Variants in DDX31 observed in about 807,000 individuals in gnomAD.
DDX31 encodes the protein ATP-dependent DNA helicase DDX31.
A neutral mutation model predicts 91.3 loss-of-function variants in DDX31; 70 were observed. That is an observed-to-expected ratio of 0.77 (90% CI 0.63 to 0.94). DDX31 has a LOEUF of 0.94. Ranked by LOEUF, DDX31 falls within the 40% of genes least tolerant of loss-of-function variation. DDX31 has a pLI of 0.00. For synonymous variants in DDX31, 362 were observed against 350.6 expected (o/e 1.03, Z -0.36); for missense variants, 902 against 925.0 (o/e 0.98, Z 0.32).
chr9:132,665,597 ACTACTAAAAATCTAAAAT>A (rs577061019), intron 1 of DDX31, among the ~76,000 whole-genome samples: 305 of 152,286 alleles, frequency 2.0e-3, no homozygotes, highest in African/African-American at 6.7e-3. Flanking sequence ...ACTAAAAATT[ACTACTAAAAATCTAAAAT>A]CTACTAAAAA....
rs555300869 is a variant in DDX31, at chr9:132,637,886, T to A, written c.1440+4118A>T. On this transcript the variant is annotated intron_variant, in intron 14 of 19. Coordinates refer to ENST00000372159, the MANE Select transcript of DDX31 (RefSeq NM_022779.9). ...AAAAGCACGAAAGTCTACATTTATT[T>A]GGGACACAGAACTGACATTGTGACT... is the stretch of plus-strand genomic sequence containing the variant. 1.5e-5 allele frequency: 15 copies of A among 989,124 alleles called. No homozygotes were observed. The African/African-American group carries it at 2.1e-4, about 14-fold the overall frequency. The allele number at this position is 989,124 out of a possible 1,614,324, so 61.3% of individuals were successfully genotyped here. A position where few individuals can be genotyped will look rare whatever the true frequency, so the allele number is the denominator to read the frequency against.
intron 1 of DDX31, 68 bp downstream of exon 1, chr9:132,669,792 T>A: frequency 6.6e-7 from 1 of 1,521,094 alleles, no homozygotes; most frequent in South Asian, 1.2e-5. Context: ...AAGGCACGGC[T>A]GCAGCTCGCG....
intron 18 of DDX31, among the ~76,000 whole-genome samples, chr9:132,616,388 A>G (rs979635962): frequency 3.3e-5 from 5 of 152,374 alleles, no homozygotes; most frequent in East Asian, 3.9e-4. Flanking sequence ...TGGTAATAAC[A>G]GTGAAAGAAA....
intron 14 of DDX31, among the ~76,000 whole-genome samples, chr9:132,641,211 T>C (rs759964255): frequency 5.9e-5 from 9 of 152,240 alleles, no homozygotes; most frequent in Non-Finnish European, 7.3e-5. Flanking sequence ...TTGCATCAAA[T>C]GTGGCCTAGA....
At chr9:132,668,303 T>C (rs574595831) in intron 1 of DDX31, among the ~76,000 whole-genome samples, 2 of 152,258 alleles carry the variant, frequency 1.3e-5, no homozygotes, top group East Asian at 3.9e-4. Context: ...TCTCTAGCAA[T>C]GGGATTATAT....
intron 13 of DDX31, among the ~76,000 whole-genome samples, chr9:132,645,265 C>T (rs1046200330): frequency 1.3e-5 from 2 of 152,138 alleles, no homozygotes; most frequent in East Asian, 1.9e-4. Flanking sequence ...TGGAGGAATG[C>T]GACTCACATA....
rs147945763 is a variant in DDX31, at chr9:132,604,818, C to T, written c.1994+7269G>A. ...TGGTCTTCCAGCAAGGCCTAGCAAC[C>T]TCTCTCTGCCTGGGTGCCTGCTCTG... On this transcript the variant is annotated intron_variant, in intron 19 of 19. Coordinates refer to ENST00000372159, the MANE Select transcript of DDX31 (RefSeq NM_022779.9). 2.1e-3 allele frequency among the ~76,000 whole-genome samples: 326 copies of T among 152,300 alleles called. 3 individuals carry two copies. Among genetic ancestry groups the T allele is most frequent in the African/African-American group, 7.5e-3 (310 of 41,548 alleles).
chr9:132,633,609 A>C (rs1163611608), intron 14 of DDX31, among the ~76,000 whole-genome samples: 3 of 151,946 alleles, frequency 2.0e-5, no homozygotes, highest in African/African-American at 7.3e-5. Context: ...TTGTGTAAGA[A>C]GTTGGGAAAA....
At chr9:132,659,629 C>T in intron 5 of DDX31, 81 bp downstream of exon 5, 1 of 1,435,914 alleles carries the variant, frequency 7.0e-7, no homozygotes. Flanking sequence ...CCACCACCAA[C>T]CCAGACACCG....
rs575849637 is a variant in DDX31, at chr9:132,659,456, A to G, written c.523+254T>C. Among the ~76,000 whole-genome samples the G allele has an allele frequency of 7.0e-4, 106 of 152,356 alleles. 1 individual carries two copies. The highest frequency in any genetic ancestry group is 3.4e-3 in the Middle Eastern group (1 of 294). On this transcript the variant is annotated intron_variant, in intron 5 of 19. Transcript: ENST00000372159. ...AACTGTGGCCACCACACCTTGGTAAAGCCCCGAAATAGGCTCTGAGGAAAT... is the reference window on the plus strand; with the variant it reads ...AACTGTGGCCACCACACCTTGGTAAGGCCCCGAAATAGGCTCTGAGGAAAT...
chr9:132,662,310 T>C lies in DDX31; in HGVS notation c.359A>G (p.Lys120Arg). 6.2e-7 allele frequency: 1 copy of C among 1,614,160 alleles called. No homozygotes were observed. The highest frequency in any genetic ancestry group is 1.1e-5 in the South Asian group (1 of 91,074). Reference sequence around the variant, plus strand: ...ATGAAAAGCAGCTGAAGTAAACACTTTTTCTTGCACCTGCTTTACCACAGG... The same window carrying C: ...ATGAAAAGCAGCTGAAGTAAACACTCTTTCTTGCACCTGCTTTACCACAGG... ...HRPVVKQVQE[K>R]VFTSAAFHEL... The change falls in exon 3 of 20, where the codon AAA (lysine) becomes AGA (arginine). Residue 120 changes from lysine (K) to arginine (R), a missense_variant. Physicochemically the swap from Lys to Arg is conservative, Grantham distance 26 (BLOSUM62 2). Coordinates refer to ENST00000372159, the MANE Select transcript of DDX31 (RefSeq NM_022779.9).
At chr9:132,625,536 A>G (rs1832341724) in intron 17 of DDX31, 128 bp downstream of exon 17, 3 of 738,748 alleles carry the variant, frequency 4.1e-6, no homozygotes, top group Admixed American at 2.7e-5. Context: ...GGCCTCATCT[A>G]ATGTTCATGG....
chr9:132,637,675 T>C (rs1833208236), intron 14 of DDX31, among the ~76,000 whole-genome samples: 1 of 152,058 alleles, frequency 6.6e-6, no homozygotes, highest in African/African-American at 2.4e-5. Context: ...GGCTGCGTAA[T>C]CAGAGGAGGA....
At chr9:132,669,470 TA>T (rs58679432) in intron 1 of DDX31, 8,188 of 643,832 alleles carry the variant, frequency 0.013, no homozygotes, top group East Asian at 0.028. Flanking sequence ...GTGGGCAAGA[TA>T]AAAAAAAAAA....
intron 1 of DDX31, 71 bp from the exon 2 acceptor site, chr9:132,662,766 C>G: frequency 6.3e-7 from 1 of 1,587,620 alleles, no homozygotes; most frequent in Non-Finnish European, 8.6e-7. Context: ...CGGAGTGAAG[C>G]CTGACTGCCC....
In DDX31 at chr9:132,659,741, T is replaced by C; in HGVS notation, c.492A>G (p.Arg164=). The C allele has an allele frequency of 1.9e-6, 3 of 1,612,842 alleles. No homozygotes were observed. The highest frequency in any genetic ancestry group is 8.5e-7 in the Non-Finnish European group (1 of 1,179,420). The change falls in exon 5 of 20, where the codon AGA becomes AGG. Residue 164 remains arginine (R), a synonymous_variant. Coordinates refer to ENST00000372159, the MANE Select transcript of DDX31 (RefSeq NM_022779.9). The stretch of plus-strand genomic sequence containing the variant: ...CCGTCTGGGATCTCACGAGAGCATC[T>C]CTGCCTTCCAGCAACACAGGAATAC... ...KQSIPVLLEG[R]DALVRSQTGS... is the part of the protein sequence containing the mutation.
In DDX31 at chr9:132,642,008, C is replaced by A; in HGVS notation, c.1436G>T (p.Cys479Phe). ...FSHSRRGVLL[C>F]TDVAARGLDL... ...GGAACACAGGAGGATACGTACCGTG[C>A]AAAGAAGGACGCCTCTTCTGGAATG... Residue 479 changes from cysteine (C) to phenylalanine (F), a missense_variant, in exon 14 of 20, where the codon TGC (cysteine) becomes TTC (phenylalanine). By Grantham distance (205) the Cys-to-Phe change is radical (BLOSUM62 -2). Transcript: ENST00000372159. 1 of 1,614,034 alleles carries A rather than the reference C, an allele frequency of 6.2e-7. No individual in the cohort carries two copies. The highest frequency in any genetic ancestry group is 1.1e-5 in the South Asian group (1 of 91,068).
intron 1 of DDX31, among the ~76,000 whole-genome samples, chr9:132,667,229 T>C (rs1646163385): frequency 6.6e-6 from 1 of 152,114 alleles, no homozygotes; most frequent in South Asian, 2.1e-4. Context: ...CTAAATCCAG[T>C]ATATTAGCTA....
chr9:132,625,459 C>T (rs535769263), intron 17 of DDX31, among the ~76,000 whole-genome samples: 2 of 151,560 alleles, frequency 1.3e-5, no homozygotes, highest in African/African-American at 2.4e-5. Flanking sequence ...GTAGCCCACT[C>T]GCTAGATGAG....
Sources: allele counts gnomAD v4.1 joint callset (sites outside exome capture counted in the v4.1 genomes callset), GRCh38; gene constraint gnomAD v4.1.1; transcripts MANE v1.5; gene names NCBI Gene and HGNC (gene_info 2026-07-23, HGNC 2026-07-21).